Variants in ZNF652 observed in about 807,000 individuals in gnomAD.
ZNF652 encodes the protein zinc finger protein 652.
ZNF652 carries 16 observed loss-of-function variants against 45.2 expected under a neutral mutation model. The ratio of observed to expected loss-of-function variants is 0.35; its 90% CI spans 0.24 to 0.54. ZNF652 has a LOEUF of 0.54. Ranked by LOEUF, ZNF652 falls within the 20% of genes least tolerant of loss-of-function variation. The pLI, the probability that ZNF652 is intolerant of heterozygous loss-of-function variation, is 0.91. For missense variants in ZNF652, 614 were observed against 765.6 expected (o/e 0.80, Z 2.34); for synonymous variants, 250 against 260.6 (o/e 0.96, Z 0.39).
At chr17:49,353,668 A>C (rs2070305757) in intron 1 of ZNF652, among the ~76,000 whole-genome samples, 1 of 152,210 alleles carries the variant, frequency 6.6e-6, no homozygotes, top group African/African-American at 2.4e-5. Context: ...GAAAATTCTA[A>C]CAGATTGCCT....
At chr17:49,315,573 A>C (rs892555161) in intron 2 of ZNF652, among the ~76,000 whole-genome samples, 1 of 149,210 alleles carries the variant, frequency 6.7e-6, no homozygotes, top group African/African-American at 2.5e-5. Context: ...AAAAAAAAAA[A>C]ACCCACAAAA....
intron 1 of ZNF652, among the ~76,000 whole-genome samples, chr17:49,350,477 G>T (rs530909404): frequency 1.5e-4 from 23 of 151,198 alleles, no homozygotes; most frequent in African/African-American, 3.6e-4. Context: ...AGGCAGAGGT[G>T]GCAGTGAGCC....
chr17:49,326,582 C>A (rs1206216209), intron 1 of ZNF652, among the ~76,000 whole-genome samples: 1 of 152,010 alleles, frequency 6.6e-6, no homozygotes, highest in Non-Finnish European at 1.5e-5. Context: ...AAAGAAAAAA[C>A]CGACATGTGA....
At chr17:49,315,667 C>T (rs555806491) in intron 2 of ZNF652, among the ~76,000 whole-genome samples, 1 of 152,162 alleles carries the variant, frequency 6.6e-6, no homozygotes, top group South Asian at 2.1e-4. Flanking sequence ...CAGTGCACCA[C>T]ACTCCCTTTG....
intron 1 of ZNF652, among the ~76,000 whole-genome samples, chr17:49,351,801 T>C (rs918470494): frequency 4.6e-5 from 7 of 152,008 alleles, no homozygotes; most frequent in South Asian, 2.1e-4. Flanking sequence ...CTGGGCAACA[T>C]AGTGAGAGCC....
At chr17:49,321,841 G>T (rs1310860294) in intron 1 of ZNF652, among the ~76,000 whole-genome samples, 4 of 152,180 alleles carry the variant, frequency 2.6e-5, no homozygotes, top group Non-Finnish European at 4.4e-5. Context: ...ATAAGAGCTA[G>T]CAGCTCTAGT....
chr17:49,351,055 A>ACAC (rs2070277830), intron 1 of ZNF652, among the ~76,000 whole-genome samples: 1 of 141,784 alleles, frequency 7.1e-6, no homozygotes, highest in African/African-American at 2.6e-5. Flanking sequence ...ACACACACAC[A>ACAC]TATTTTTATA....
chr17:49,332,182 T>C (rs1009019389), intron 1 of ZNF652, among the ~76,000 whole-genome samples: 15 of 150,406 alleles, frequency 1.0e-4, no homozygotes, highest in African/African-American at 2.9e-4. Context: ...GCAGGAGAGT[T>C]GCTTGAACAC....
At position 49,295,992 on chromosome 17, in the gene ZNF652, A is replaced by C. The variant is rs900868039; in HGVS notation, c.*2421T>G. On this transcript the variant is annotated 3_prime_UTR_variant, in exon 6 of 6. Transcript: ENST00000430262. ...AGAACAAAATATAACCAATTAACTA[A>C]GCACAGTTTACATCTTTTAAAAAAA... 30 of 151,504 alleles carry C rather than the reference A, an allele frequency of 2.0e-4. No homozygotes were observed. Among genetic ancestry groups the C allele is most frequent in the African/African-American group, 7.0e-4 (29 of 41,350 alleles). The allele number at this position is 151,504 out of a possible 1,614,324, so 9.4% of individuals were successfully genotyped here. A position where few individuals can be genotyped will look rare whatever the true frequency, so the allele number is the denominator to read the frequency against.
intron 1 of ZNF652, among the ~76,000 whole-genome samples, chr17:49,338,422 C>T (rs1337843242): frequency 2.0e-5 from 3 of 152,174 alleles, no homozygotes; most frequent in Admixed American, 1.3e-4. Context: ...ACAAGGCAGA[C>T]ATGTTCAAGC....
chr17:49,329,354 G>C (rs998359358), intron 1 of ZNF652, among the ~76,000 whole-genome samples: 3 of 152,186 alleles, frequency 2.0e-5, no homozygotes, highest in Admixed American at 1.3e-4. Flanking sequence ...AAAGGGTTTT[G>C]TTATTACAGT....
intron 4 of ZNF652, 66 bp from the exon 5 acceptor site, chr17:49,311,522 C>T: frequency 6.5e-7 from 1 of 1,536,070 alleles, no homozygotes; most frequent in Non-Finnish European, 8.9e-7. Flanking sequence ...CCCACCCTAA[C>T]ACAGTCTCTG....
Position 49,318,686 on chromosome 17 carries a change from C to T in ZNF652, c.-258-703G>A, listed in dbSNP as rs563006064. ...AAGATCTTTACAGTCTAGTTTACAA[C>T]GTGTTGGGCATGAAACACGCAAGAG... On this transcript the variant is annotated intron_variant, in intron 1 of 5. Transcript: ENST00000430262. Among the ~76,000 whole-genome samples the T allele has an allele frequency of 3.9e-5, 6 of 152,282 alleles. No homozygotes were observed. The East Asian group carries it at 9.7e-4, about 25-fold the overall frequency.
intron 5 of ZNF652, among the ~76,000 whole-genome samples, chr17:49,309,239 C>A (rs1598288498): frequency 1.3e-5 from 2 of 149,608 alleles, no homozygotes; most frequent in East Asian, 4.0e-4. Flanking sequence ...CGCCTGTAAT[C>A]CCAGCACTTT....
chr17:49,356,540 A>G (rs1329275025), intron 1 of ZNF652, among the ~76,000 whole-genome samples: 1 of 151,922 alleles, frequency 6.6e-6, no homozygotes, highest in African/African-American at 2.4e-5. Flanking sequence ...AATCACCTAA[A>G]TTTTGTTTGT....
In ZNF652 at chr17:49,311,874, T is replaced by C. The variant is rs2069717005; in HGVS notation, c.1164+53A>G. 3.4e-6 allele frequency: 5 copies of C among 1,452,790 alleles called. No individual in the cohort carries two copies. In the Admixed American group the frequency reaches 7.4e-5, roughly 22 times the overall value. The allele number at this position is 1,452,790 out of a possible 1,614,324, so 90.0% of individuals were successfully genotyped here. A position where few individuals can be genotyped will look rare whatever the true frequency, so the allele number is the denominator to read the frequency against. Reference sequence around the variant, plus strand: ...ACACCTCTCTCTCACTGGTCCGCCATCTATGCAAACACTAGCCCCTAGGCC... The same window carrying C: ...ACACCTCTCTCTCACTGGTCCGCCACCTATGCAAACACTAGCCCCTAGGCC... On this transcript the variant is annotated intron_variant, in intron 4 of 5. Transcript: ENST00000430262.
At chr17:49,340,449 C>A (rs947442051) in intron 1 of ZNF652, among the ~76,000 whole-genome samples, 1 of 148,134 alleles carries the variant, frequency 6.8e-6, no homozygotes, top group African/African-American at 2.5e-5. Flanking sequence ...CCAGCTACTC[C>A]GGAGGCTGAG....
chr17:49,349,063 A>G (rs1050612585), intron 1 of ZNF652, among the ~76,000 whole-genome samples: 9 of 152,214 alleles, frequency 5.9e-5, no homozygotes, highest in African/African-American at 2.2e-4. Flanking sequence ...ATTTTTTAAA[A>G]ATCCATATCT....
At chr17:49,347,873 T>C (rs2070223459) in intron 1 of ZNF652, among the ~76,000 whole-genome samples, 2 of 148,866 alleles carry the variant, frequency 1.3e-5, no homozygotes, top group Admixed American at 1.4e-4. Flanking sequence ...CCTTCCCAAA[T>C]AGCTGGGACT....
Sources: gnomAD v4.1 joint callset for allele counts (sites outside exome capture counted in the v4.1 genomes callset) on GRCh38, gnomAD v4.1.1 for gene constraint, MANE v1.5 for transcripts, NCBI Gene and HGNC (gene_info 2026-07-23, HGNC 2026-07-21) for gene names.